Variants in TG observed in about 807,000 individuals in gnomAD.
TG encodes the protein thyroglobulin.
Under a neutral mutation model 324.7 loss-of-function variants are expected in TG, and 270 were observed. The observed-to-expected ratio is 0.83, with a 90% confidence interval of 0.75 to 0.92. The LOEUF (loss-of-function observed/expected upper bound fraction) is 0.92, where lower values mean the gene tolerates loss of function less well. Ranked by LOEUF, TG falls within the 40% of genes least tolerant of loss-of-function variation. The probability of loss-of-function intolerance (pLI) is 0.00; values close to 1 mark genes in which losing one functional copy is unlikely to be tolerated. For missense variants in TG, 3,591 were observed against 3,456.4 expected (o/e 1.04, Z -0.98); for synonymous variants, 1,401 against 1,327.0 (o/e 1.06, Z -1.21).
intron 20 of TG, among the ~76,000 whole-genome samples, chr8:132,914,374 A>G (rs571138387): frequency 1.1e-4 from 16 of 152,308 alleles, no homozygotes; most frequent in African/African-American, 3.6e-4. Flanking sequence ...TTTTTCAATT[A>G]TTTATGTTGG....
At chr8:133,096,141 C>T in intron 42 of TG, 65 bp from the exon 43 acceptor site, 2 of 1,587,282 alleles carry the variant, frequency 1.3e-6, no homozygotes, top group South Asian at 2.2e-5. Context: ...TGGTTAAGAC[C>T]TCTTTATGCA....
At chr8:133,002,330 A>G in intron 35 of TG, 1 of 985,344 alleles carries the variant, frequency 1.0e-6, no homozygotes, top group Non-Finnish European at 1.2e-6. Flanking sequence ...TACTTCTTCC[A>G]TGATGATTTA....
intron 40 of TG, among the ~76,000 whole-genome samples, chr8:133,026,895 T>C (rs948226378): frequency 1.3e-5 from 2 of 152,228 alleles, no homozygotes; most frequent in African/African-American, 4.8e-5. Context: ...AAAATTAATC[T>C]TCTATGGTGC....
Position 132,969,470 on chromosome 8 carries a change from A to G in TG, c.5876A>G (p.Asp1959Gly), listed in dbSNP as rs1829151474. ...TTCCTCTATGAAGTTATACTGGAAG[A>G]TAAAGTGAAGAACTTTTACACTCGC... is the stretch of plus-strand genomic sequence containing the variant. ...ALFRKKVILE[D>G]KVKNFYTRLP... The change falls in exon 32 of 48, where the codon GAT (aspartate) becomes GGT (glycine). Residue 1959 changes from aspartate (D) to glycine (G), a missense_variant. Coordinates refer to ENST00000220616, the MANE Select transcript of TG (RefSeq NM_003235.5). 6.2e-7 allele frequency: 1 copy of G among 1,612,436 alleles called. No homozygotes were observed. The highest frequency in any genetic ancestry group is 1.3e-5 in the African/African-American group (1 of 74,982).
intron 35 of TG, among the ~76,000 whole-genome samples, chr8:132,998,948 G>A (rs1002395511): frequency 6.6e-6 from 1 of 152,142 alleles, no homozygotes; most frequent in Non-Finnish European, 1.5e-5. Context: ...AGTGGCAATG[G>A]GCTTGAGGAA....
intron 35 of TG, among the ~76,000 whole-genome samples, chr8:133,004,318 G>C (rs571192799): frequency 6.6e-6 from 1 of 152,190 alleles, no homozygotes; most frequent in African/African-American, 2.4e-5. Context: ...GGGCTGATCT[G>C]TCAATTACCA....
chr8:132,888,007 T>A lies in TG; in HGVS notation c.2200T>A (p.Ser734Thr), dbSNP rs180223. ...AGGCCCCACGCCCTGTCAATTACAG[T>A]CTGAGCAAGCTTTCCTCAGGACGGT... ...KKCPTPCQLQ[S>T]EQAFLRTVQA... The change falls in exon 10 of 48, where the codon TCT (serine) becomes ACT (threonine). Residue 734 changes from serine (S) to threonine (T), a missense_variant. Transcript: ENST00000220616. 23 of 1,613,412 alleles carry A rather than the reference T, an allele frequency of 1.4e-5. No individual in the cohort carries two copies. Among genetic ancestry groups the A allele is most frequent in the Non-Finnish European group, 1.9e-5 (23 of 1,179,752 alleles).
intron 29 of TG, chr8:132,965,030 C>G (rs1335214893): frequency 1.5e-6 from 1 of 671,206 alleles, no homozygotes; most frequent in Non-Finnish European, 2.7e-6. Flanking sequence ...TTTCTCTTCT[C>G]TTTCTGCTTT....
intron 41 of TG, among the ~76,000 whole-genome samples, chr8:133,059,445 C>A (rs1587933224): frequency 1.3e-5 from 2 of 152,178 alleles, no homozygotes; most frequent in African/African-American, 4.8e-5. Flanking sequence ...AGGCCTCTGA[C>A]CAGTTGCTGA....
chr8:133,124,897 A>T (rs1851404127), intron 45 of TG, among the ~76,000 whole-genome samples: 1 of 152,172 alleles, frequency 6.6e-6, no homozygotes, highest in Non-Finnish European at 1.5e-5. Flanking sequence ...TTTTTAGTTG[A>T]CTGTCTTGGT....
intron 20 of TG, among the ~76,000 whole-genome samples, chr8:132,918,083 C>T (rs1171434653): frequency 6.6e-6 from 1 of 151,930 alleles, no homozygotes; most frequent in Non-Finnish European, 1.5e-5. Flanking sequence ...GTAAGGCAGC[C>T]GTGGTCTCAT....
intron 47 of TG, 107 bp downstream of exon 47, chr8:133,133,767 C>T (rs114254895): frequency 7.0e-6 from 9 of 1,286,604 alleles, no homozygotes; most frequent in Non-Finnish European, 9.9e-6. Flanking sequence ...CAAGGGGTCA[C>T]CAGTGCCAAT....
At chr8:133,058,489 C>A (rs1056495229) in intron 41 of TG, among the ~76,000 whole-genome samples, 1 of 152,204 alleles carries the variant, frequency 6.6e-6, no homozygotes, top group African/African-American at 2.4e-5. Context: ...TCATGAGGTT[C>A]GCTCAAGCAT....
chr8:133,133,509 C>G lies in TG; in HGVS notation c.8037C>G (p.Pro2679=). Residue 2679 remains proline, a synonymous_variant, in exon 47 of 48, where the codon CCC becomes CCG. Coordinates refer to ENST00000220616, the MANE Select transcript of TG (RefSeq NM_003235.5). ...NYPYEFSRKV[P]TFATPWPDFV... is the part of the protein sequence containing the mutation. ...CTTATGAGTTCTCACGGAAAGTACCCACATTTGCAACCCCCTGGCCTGACT... is the reference window on the plus strand; with the variant it reads ...CTTATGAGTTCTCACGGAAAGTACCGACATTTGCAACCCCCTGGCCTGACT... 1.9e-6 allele frequency: 3 copies of G among 1,614,216 alleles called. No homozygotes were observed. Among genetic ancestry groups the G allele is most frequent in the Non-Finnish European group, 2.5e-6 (3 of 1,180,036 alleles).
intron 38 of TG, among the ~76,000 whole-genome samples, chr8:133,018,216 A>G (rs1835228996): frequency 6.6e-6 from 1 of 150,486 alleles, no homozygotes; most frequent in Admixed American, 6.6e-5. Context: ...CCATCAGGTG[A>G]TGGAGGGGCC....
chr8:132,919,597 C>T (rs541144278), intron 21 of TG, 72 bp downstream of exon 21: 2 of 1,589,542 alleles, frequency 1.3e-6, no homozygotes, highest in East Asian at 4.5e-5. Context: ...GTTTCCCAAT[C>T]TCTGCACTAT....
intron 45 of TG, among the ~76,000 whole-genome samples, chr8:133,127,848 C>G (rs1246438511): frequency 6.6e-6 from 1 of 152,118 alleles, no homozygotes; most frequent in Non-Finnish European, 1.5e-5. Flanking sequence ...ATTCCTTGCT[C>G]CATACAGAGC....
At chr8:132,928,373 G>A (rs539524916) in intron 22 of TG, among the ~76,000 whole-genome samples, 7 of 152,192 alleles carry the variant, frequency 4.6e-5, no homozygotes, top group Non-Finnish European at 8.8e-5. Flanking sequence ...ACACTCTTGG[G>A]AATTTGTGGC....
At chr8:133,090,874 A>AC (rs1847399606) in intron 41 of TG, among the ~76,000 whole-genome samples, 1 of 151,586 alleles carries the variant, frequency 6.6e-6, no homozygotes, top group African/African-American at 2.4e-5. Flanking sequence ...CTCACCCCGC[A>AC]CCCCCCGGGA....
Sources: gnomAD v4.1 joint callset for allele counts (sites outside exome capture counted in the v4.1 genomes callset) on GRCh38, gnomAD v4.1.1 for gene constraint, MANE v1.5 for transcripts, NCBI Gene and HGNC (gene_info 2026-07-23, HGNC 2026-07-21) for gene names.